Variants in BANK1 observed in about 807,000 individuals in gnomAD.
The protein encoded by BANK1 is B-cell scaffold protein with ankyrin repeats.
BANK1 carries 95 observed loss-of-function variants against 94.5 expected under a neutral mutation model. That is an observed-to-expected ratio of 1.00 (90% CI 0.85 to 1.19). The LOEUF is 1.19. Ranked by LOEUF, BANK1 falls within the 50% of genes most tolerant of loss-of-function variation. BANK1 has a pLI of 0.00. For synonymous variants in BANK1, 334 were observed against 308.4 expected, an observed-to-expected ratio of 1.08 and a Z score of -0.87; for missense variants, 987 against 932.2, an observed-to-expected ratio of 1.06 and a Z score of -0.77.
Position 101,878,053 on chromosome 4 carries a change from CA to C in BANK1, c.903+7413del, listed in dbSNP as rs574645648. On this transcript the variant is annotated intron_variant, in intron 5 of 16. Transcript: ENST00000322953. ...AAAAGAAAGAAGGACAAAAAGGCCA[CA>C]AAACAACCAAAAAAACAAATATCAA... Among the ~76,000 whole-genome samples, 508 of 151,858 alleles carry C rather than the reference CA, an allele frequency of 3.3e-3. 4 individuals are homozygous for C. The highest frequency in any genetic ancestry group is 0.02 in the Middle Eastern group (6 of 294).
At position 102,030,004 on chromosome 4, in the gene BANK1, C is replaced by A; in HGVS notation, c.1639C>A (p.His547Asn). 1 of 1,611,772 alleles carries A rather than the reference C, an allele frequency of 6.2e-7. No homozygotes were observed. The highest frequency in any genetic ancestry group is 2.2e-5 in the East Asian group (1 of 44,848). ...GQMERSQNWGHPGVRQETGDE... is the reference protein window; with the variant it reads ...GQMERSQNWGNPGVRQETGDE... ...AATGGAAAGAAGTCAAAACTGGGGT[C>A]ATCCTGGTGTTAGACAAGAAACAGG... The change falls in exon 10 of 17, where the codon CAT (histidine) becomes AAT (asparagine). Residue 547 changes from histidine to asparagine, a missense_variant. Physicochemically the swap from His to Asn is moderately conservative, Grantham distance 68 (BLOSUM62 1). Coordinates refer to ENST00000322953, the MANE Select transcript of BANK1 (RefSeq NM_017935.5).
chr4:102,050,810 A>G (rs1728022816), intron 11 of BANK1, among the ~76,000 whole-genome samples: 1 of 89,324 alleles, frequency 1.1e-5, no homozygotes, highest in Non-Finnish European at 2.1e-5. Flanking sequence ...GGTTATGAAA[A>G]AAATGAAAGA....
At chr4:101,878,814 C>A (rs946345914) in intron 5 of BANK1, among the ~76,000 whole-genome samples, 1 of 151,870 alleles carries the variant, frequency 6.6e-6, no homozygotes, top group African/African-American at 2.4e-5. Flanking sequence ...TGAAAACTTA[C>A]AAATACATGG....
At chr4:101,937,642 A>G (rs1304342557) in intron 7 of BANK1, among the ~76,000 whole-genome samples, 1 of 151,742 alleles carries the variant, frequency 6.6e-6, no homozygotes, top group Non-Finnish European at 1.5e-5. Flanking sequence ...CTGTTGATGG[A>G]AATGTAAATT....
intron 7 of BANK1, among the ~76,000 whole-genome samples, chr4:101,936,558 A>T (rs556509516): frequency 6.6e-6 from 1 of 150,612 alleles, no homozygotes; most frequent in South Asian, 2.1e-4. Flanking sequence ...GTATACATAT[A>T]TGTATATGTA....
At chr4:101,792,875 A>G (rs1725044758) in intron 1 of BANK1, among the ~76,000 whole-genome samples, 1 of 152,170 alleles carries the variant, frequency 6.6e-6, no homozygotes, top group African/African-American at 2.4e-5. Flanking sequence ...GGTAAAAATG[A>G]TGCACAATGG....
At chr4:101,998,712 A>G (rs151011351) in intron 7 of BANK1, among the ~76,000 whole-genome samples, 77 of 152,296 alleles carry the variant, frequency 5.1e-4, no homozygotes, top group Middle Eastern at 3.4e-3. Flanking sequence ...AGTCCATTTT[A>G]TCAGAGAATC....
In BANK1 at chr4:101,962,088, C is replaced by A. The variant is rs1055473685; in HGVS notation, c.1206+43899C>A. ...AATCAAATGTATAGTGGGGTGCTAT[C>A]ACCCACTCCTTTGTAATCTGTCTTT... is the stretch of plus-strand genomic sequence containing the variant. On this transcript the variant is annotated intron_variant, in intron 7 of 16. Transcript: ENST00000322953. Among the ~76,000 whole-genome samples, 6 of 152,124 alleles carry A rather than the reference C, an allele frequency of 3.9e-5. No individual in the cohort carries two copies. The South Asian group carries it at 8.3e-4, about 21-fold the overall frequency.
intron 5 of BANK1, among the ~76,000 whole-genome samples, chr4:101,883,677 T>A (rs1728754842): frequency 6.6e-6 from 1 of 152,322 alleles, no homozygotes; most frequent in South Asian, 2.1e-4. Context: ...ACCAACCCCA[T>A]TCAAGGGAAG....
intron 10 of BANK1, among the ~76,000 whole-genome samples, chr4:102,030,842 A>G (rs1473089241): frequency 6.6e-6 from 1 of 152,120 alleles, no homozygotes; most frequent in East Asian, 1.9e-4. Flanking sequence ...TCTACTATTG[A>G]TGGACATTTG....
chr4:101,833,002 G>A (rs1381412028), intron 2 of BANK1, among the ~76,000 whole-genome samples: 1 of 149,230 alleles, frequency 6.7e-6, no homozygotes, highest in Non-Finnish European at 1.5e-5. Flanking sequence ...TTTTTGAGAC[G>A]GAGTTTTGCT....
rs1166018412 is a variant in BANK1 at position 101,986,899 on chromosome 4, GTATA to G, written c.1207-34586_1207-34583del. Reference sequence around the variant, plus strand: ...TGTGTGTGTGTGTGTGTGTGTGTGTGTATATATATATATATATATATATATATAT... The same window carrying G: ...TGTGTGTGTGTGTGTGTGTGTGTGTGTATATATATATATATATATATATAT... On this transcript the variant is annotated intron_variant, in intron 7 of 16. Coordinates refer to ENST00000322953, the MANE Select transcript of BANK1 (RefSeq NM_017935.5). Among the ~76,000 whole-genome samples the G allele has an allele frequency of 8.8e-3, 724 of 82,626 alleles. 58 individuals carry two copies. Among genetic ancestry groups the G allele is most frequent in the African/African-American group, 0.035 (538 of 15,538 alleles). The allele number at this position is 82,626 out of a possible 152,430, so 54.2% of individuals were successfully genotyped here.
intron 5 of BANK1, among the ~76,000 whole-genome samples, chr4:101,893,996 G>A (rs965516095): frequency 6.6e-6 from 1 of 151,952 alleles, no homozygotes; most frequent in African/African-American, 2.4e-5. Flanking sequence ...TATGCAATTT[G>A]TTTGTTTAGT....
intron 7 of BANK1, among the ~76,000 whole-genome samples, chr4:101,968,628 G>A (rs779813331): frequency 7.2e-5 from 11 of 152,090 alleles, no homozygotes; most frequent in Non-Finnish European, 1.2e-4. Context: ...CCCAGAGAAC[G>A]AAAGTACAAG....
At chr4:101,884,531 C>T (rs1368232450) in intron 5 of BANK1, among the ~76,000 whole-genome samples, 2 of 152,086 alleles carry the variant, frequency 1.3e-5, no homozygotes, top group South Asian at 2.1e-4. Context: ...TAAATATTCC[C>T]TCTACATGTT....
chr4:101,792,626 G>A (rs1347391957), intron 1 of BANK1, among the ~76,000 whole-genome samples: 1 of 151,940 alleles, frequency 6.6e-6, no homozygotes, highest in Non-Finnish European at 1.5e-5. Context: ...ATTATTTGAA[G>A]GTCACCCATT....
At chr4:101,981,204 C>A (rs1725315911) in intron 7 of BANK1, among the ~76,000 whole-genome samples, 1 of 152,044 alleles carries the variant, frequency 6.6e-6, no homozygotes, top group African/African-American at 2.4e-5. Context: ...CTCTCTGTGA[C>A]TGAAATAGAT....
chr4:101,986,835 A>ATATATGTGTATATATATG (rs1725503294), intron 7 of BANK1, among the ~76,000 whole-genome samples: 1 of 106,550 alleles, frequency 9.4e-6, no homozygotes, highest in African/African-American at 3.8e-5. Context: ...ATATATATGT[A>ATATATGTGTATATATATG]TATATATGTG....
intron 7 of BANK1, among the ~76,000 whole-genome samples, chr4:101,938,577 C>A (rs1723647660): frequency 6.6e-6 from 1 of 151,298 alleles, no homozygotes; most frequent in Admixed American, 6.6e-5. Flanking sequence ...AATATATATA[C>A]CTACTATGTA....
Sources: gnomAD v4.1 joint callset for allele counts (sites outside exome capture counted in the v4.1 genomes callset) on GRCh38, gnomAD v4.1.1 for gene constraint, MANE v1.5 for transcripts, NCBI Gene and HGNC (gene_info 2026-07-23, HGNC 2026-07-21) for gene names.